NAPB: variants seen among roughly 807,000 people sequenced by gnomAD.
NAPB encodes beta-soluble NSF attachment protein.
In NAPB, 26 loss-of-function variants were observed where a neutral mutation model predicts 44.7. That is an observed-to-expected ratio of 0.58 (90% CI 0.43 to 0.81). The LOEUF is 0.81. Among genes scored for constraint, NAPB ranks in the 30% least tolerant of loss-of-function variants. The probability of loss-of-function intolerance (pLI) is 0.00; values close to 1 mark genes in which losing one functional copy is unlikely to be tolerated. For synonymous variants in NAPB, 120 were observed against 116.8 expected (o/e 1.03, Z -0.18); for missense variants, 315 against 356.4 (o/e 0.88, Z 0.94).
intron 7 of NAPB, among the ~76,000 whole-genome samples, chr20:23,385,749 G>GAGAGAA: frequency 6.7e-6 from 1 of 148,652 alleles, no homozygotes; most frequent in South Asian, 2.1e-4. Context: ...GAAAGAGAGA[G>GAGAGAA]AGAGAAAGAG....
intron 2 of NAPB, among the ~76,000 whole-genome samples, chr20:23,398,595 C>G (rs1168484435): frequency 6.6e-6 from 1 of 152,044 alleles, no homozygotes; most frequent in Non-Finnish European, 1.5e-5. Context: ...AATCCCAGCA[C>G]TTTGGGAGGC....
rs150061147 is a variant in NAPB, at chr20:23,408,039, T to G, written c.99-4967A>C. On this transcript the variant is annotated intron_variant, in intron 1 of 10. Transcript: ENST00000377026. Reference sequence around the variant, plus strand: ...AGAAAAAGGCTGACAACTCCTGAGATAGAAATAAAGTTGCCTCTAAAATCA... The same window carrying G: ...AGAAAAAGGCTGACAACTCCTGAGAGAGAAATAAAGTTGCCTCTAAAATCA... Among the ~76,000 whole-genome samples, 4 of 152,218 alleles carry G rather than the reference T, an allele frequency of 2.6e-5. No homozygotes were observed. In the East Asian group the frequency reaches 7.7e-4, roughly 29 times the overall value.
chr20:23,414,940 A>G (rs868656242), intron 1 of NAPB, among the ~76,000 whole-genome samples: 1 of 151,552 alleles, frequency 6.6e-6, no homozygotes, highest in African/African-American at 2.4e-5. Context: ...AAAATATATT[A>G]AAAAAATTTT....
At chr20:23,393,407 G>A (rs1240638277) in intron 5 of NAPB, among the ~76,000 whole-genome samples, 2 of 152,190 alleles carry the variant, frequency 1.3e-5, no homozygotes, top group Admixed American at 6.5e-5. Flanking sequence ...AAGAGTGAAC[G>A]TTAACAATGC....
Position 23,394,958 on chromosome 20 carries a change from T to C in NAPB, c.384A>G (p.Ala128=). The C allele has an allele frequency of 6.2e-7, 1 of 1,614,198 alleles. No individual in the cohort carries two copies. The highest frequency in any genetic ancestry group is 8.5e-7 in the Non-Finnish European group (1 of 1,180,020). Residue 128 remains alanine (A), a synonymous_variant, in exon 5 of 11, where the codon GCA becomes GCG. Transcript: ENST00000377026. ...TIAAKHHITI[A]EIYETELVDI... is the part of the protein sequence containing the mutation. Reference sequence around the variant, plus strand: ...CTACAAGTTCAGTCTCATAGATCTCTGCAATAGTAATGTGGTGCTTGGCTG... The same window carrying C: ...CTACAAGTTCAGTCTCATAGATCTCCGCAATAGTAATGTGGTGCTTGGCTG...
chr20:23,408,699 T>G (rs1243776562), intron 1 of NAPB, among the ~76,000 whole-genome samples: 2 of 152,216 alleles, frequency 1.3e-5, no homozygotes, highest in East Asian at 3.8e-4. Context: ...AGTAGAGATT[T>G]CTTCCGTGGA....
intron 3 of NAPB, among the ~76,000 whole-genome samples, chr20:23,396,075 C>G (rs1406790795): frequency 6.6e-6 from 1 of 152,220 alleles, no homozygotes; most frequent in Non-Finnish European, 1.5e-5. Context: ...TGTTAGTACT[C>G]AGATGTACTT....
chr20:23,388,162 G>A (rs1053835994), intron 7 of NAPB, among the ~76,000 whole-genome samples: 1 of 151,892 alleles, frequency 6.6e-6, no homozygotes, highest in Non-Finnish European at 1.5e-5. Context: ...GGCTCTCCTG[G>A]GTCTTCAGAA....
intron 6 of NAPB, 70 bp downstream of exon 6, chr20:23,390,139 G>C: frequency 6.6e-7 from 1 of 1,508,974 alleles, no homozygotes; most frequent in Non-Finnish European, 9.2e-7. Context: ...CACTCACAAA[G>C]TATAAAGAAG....
chr20:23,384,346 G>C (rs1479580960), intron 7 of NAPB, among the ~76,000 whole-genome samples: 1 of 152,096 alleles, frequency 6.6e-6, no homozygotes, highest in Non-Finnish European at 1.5e-5. Context: ...CAGATGACTT[G>C]AGCTCAGGAG....
intron 1 of NAPB, among the ~76,000 whole-genome samples, chr20:23,411,921 C>T (rs1985683881): frequency 6.6e-6 from 1 of 152,114 alleles, no homozygotes; most frequent in Non-Finnish European, 1.5e-5. Context: ...TCGTCATTTT[C>T]AGATCTGCTC....
intron 5 of NAPB, among the ~76,000 whole-genome samples, chr20:23,392,487 A>C (rs1459372491): frequency 6.6e-6 from 1 of 151,942 alleles, no homozygotes; most frequent in Non-Finnish European, 1.5e-5. Context: ...GCAACATGAA[A>C]AGACCTCATT....
Position 23,375,772 on chromosome 20 carries a change from TCA to T in NAPB, c.*1602_*1603del, listed in dbSNP as rs1435700252. The T allele has an allele frequency of 6.6e-6, 1 of 152,220 alleles. No homozygotes were observed. Among genetic ancestry groups the T allele is most frequent in the Non-Finnish European group, 1.5e-5 (1 of 68,120 alleles). The allele number at this position is 152,220 out of a possible 1,614,324, so 9.4% of individuals were successfully genotyped here. On this transcript the variant is annotated 3_prime_UTR_variant, in exon 11 of 11. Transcript: ENST00000377026. ...TGTAGTCCCAGTAGATGCTCTGACA[TCA>T]CAGAGCTTCCTGCTCTACCAGCCCA...
intron 1 of NAPB, among the ~76,000 whole-genome samples, chr20:23,406,326 A>G (rs1985253368): frequency 6.6e-6 from 1 of 152,222 alleles, no homozygotes; most frequent in Non-Finnish European, 1.5e-5. Flanking sequence ...GCTAAATGGT[A>G]CAGGGTTTCT....
At chr20:23,382,699 G>A (rs1983114480) in intron 7 of NAPB, among the ~76,000 whole-genome samples, 1 of 151,208 alleles carries the variant, frequency 6.6e-6, no homozygotes, top group South Asian at 2.1e-4. Context: ...GGGCTCAACA[G>A]CAGGATGAAA....
intron 9 of NAPB, 95 bp downstream of exon 9, chr20:23,379,772 T>C (rs1428572792): frequency 2.4e-5 from 22 of 934,274 alleles, no homozygotes; most frequent in Non-Finnish European, 3.5e-5. Flanking sequence ...TAGCAGACTT[T>C]ATAGATTAAA....
chr20:23,411,027 T>C (rs1458828170), intron 1 of NAPB, among the ~76,000 whole-genome samples: 2 of 151,852 alleles, frequency 1.3e-5, no homozygotes, highest in Non-Finnish European at 2.9e-5. Flanking sequence ...AGGAAAACTA[T>C]GAAAACAGCC....
chr20:23,378,646 T>C (rs976497767), intron 10 of NAPB, among the ~76,000 whole-genome samples: 5 of 150,348 alleles, frequency 3.3e-5, no homozygotes, highest in African/African-American at 1.2e-4. Context: ...TTTGCCATGT[T>C]GGCCAAGCTG....
chr20:23,388,449 G>C (rs1983693792), intron 7 of NAPB, among the ~76,000 whole-genome samples: 1 of 152,132 alleles, frequency 6.6e-6, no homozygotes, highest in South Asian at 2.1e-4. Context: ...ATCTGGAATA[G>C]CCAAAACAAT....
Sources: allele counts gnomAD v4.1 joint callset (sites outside exome capture counted in the v4.1 genomes callset), GRCh38; gene constraint gnomAD v4.1.1; transcripts MANE v1.5; gene names NCBI Gene and HGNC (gene_info 2026-07-23, HGNC 2026-07-21).